The following JAKMIP1 variants were observed in gnomAD, a reference collection of about 807,000 sequenced individuals.
The protein encoded by JAKMIP1 is janus kinase and microtubule interacting protein 1.
In JAKMIP1, 33 loss-of-function variants were observed where a neutral mutation model predicts 113.0. The ratio of observed to expected loss-of-function variants is 0.29; its 90% CI spans 0.22 to 0.39. JAKMIP1 has a LOEUF of 0.39. Among genes scored for constraint, JAKMIP1 ranks in the 10% least tolerant of loss-of-function variants. The pLI, the probability that JAKMIP1 is intolerant of heterozygous loss-of-function variation, is 1.00. For missense variants in JAKMIP1, 813 were observed against 1,080.5 expected, an observed-to-expected ratio of 0.75 and a Z score of 3.47; for synonymous variants, 480 against 459.9, an observed-to-expected ratio of 1.04 and a Z score of -0.56.
chr4:6,039,523 C>G (rs1310135524), intron 18 of JAKMIP1, among the ~76,000 whole-genome samples: 6 of 152,138 alleles, frequency 3.9e-5, no homozygotes, highest in African/African-American at 1.4e-4. Flanking sequence ...ATGGCCCAGC[C>G]TGCAGGGTGT....
chr4:6,106,089 C>CA lies in JAKMIP1; in HGVS notation c.130-123_130-122insT. 1.5e-6 allele frequency: 1 copy of CA among 655,000 alleles called. No homozygotes were observed. The highest frequency in any genetic ancestry group is 2.6e-6 in the Non-Finnish European group (1 of 386,846). 40.6% of individuals were successfully genotyped at this position (655,000 alleles called of 1,614,324 possible). On this transcript the variant is annotated intron_variant, in intron 2 of 20. Coordinates refer to ENST00000409021, the MANE Select transcript of JAKMIP1 (RefSeq NM_001099433.2). The surrounding 1 kb of genome is among the most constrained non-coding windows in gnomAD (Gnocchi z 5.9). ...CGCCCAAGACACCCACCTGGGCCCA[C>CA]GTTCCCATGGATTCCCCCTTCGGCA... is the stretch of plus-strand genomic sequence containing the variant.
At position 6,129,635 on chromosome 4, in the gene JAKMIP1, C is replaced by T. The variant is rs1718228480; in HGVS notation, c.-147-16638G>A. ...CCTGCTGAAAGTTCCTTTGTCCAGA[C>T]CCCCACTCAGCTGCCGTTCTCAATA... On this transcript the variant is annotated intron_variant, in intron 1 of 20. Transcript: ENST00000409021. This position sits in a 1 kb window ranked among gnomAD's most constrained non-coding sequence, Gnocchi z 5.4. Among the ~76,000 whole-genome samples the T allele has an allele frequency of 6.6e-6, 1 of 152,114 alleles. No homozygotes were observed. The highest frequency in any genetic ancestry group is 2.1e-4 in the South Asian group (1 of 4,820).
At chr4:6,027,306 A>G (rs764043715) in intron 20 of JAKMIP1, among the ~76,000 whole-genome samples, 2 of 152,224 alleles carry the variant, frequency 1.3e-5, no homozygotes, top group Non-Finnish European at 2.9e-5. Flanking sequence ...GAAAAGTCCA[A>G]ACTAACAGCC....
At chr4:6,115,341 C>T (rs931311602) in intron 1 of JAKMIP1, among the ~76,000 whole-genome samples, 1 of 152,164 alleles carries the variant, frequency 6.6e-6, no homozygotes, top group African/African-American at 2.4e-5. Context: ...ACCTGGGAGG[C>T]GGAAGTTGCA....
Position 6,059,543 on chromosome 4 carries a change from C to T in JAKMIP1, c.1644+881G>A, listed in dbSNP as rs540798015. Among the ~76,000 whole-genome samples the T allele has an allele frequency of 1.2e-4, 18 of 152,182 alleles. No individual in the cohort carries two copies. In the South Asian group the frequency reaches 1.2e-3, roughly 11 times the overall value. ...CAGGGGTGGGGGCCACCAGACACTC[C>T]GTCTGCCCACACCCTCCTTGGCACC... On this transcript the variant is annotated intron_variant, in intron 11 of 20. Transcript: ENST00000409021. This position sits in a 1 kb window ranked among gnomAD's most constrained non-coding sequence, Gnocchi z 4.8.
chr4:6,165,254 C>A (rs775525047), intron 1 of JAKMIP1, among the ~76,000 whole-genome samples: 35 of 152,238 alleles, frequency 2.3e-4, no homozygotes, highest in Non-Finnish European at 3.1e-4. Flanking sequence ...AGATAGTCAT[C>A]AGCATTATTT....
rs1726256849 is a variant in JAKMIP1 at position 6,183,324 on chromosome 4, C to A, written c.-148+16929G>T. ...TGAAACTCCGTCTGTACTAAAAATA[C>A]AAAAATTAGCCGGGCTTGGTGGCGG... On this transcript the variant is annotated intron_variant, in intron 1 of 20. Coordinates refer to ENST00000409021, the MANE Select transcript of JAKMIP1 (RefSeq NM_001099433.2). This position sits in a 1 kb window ranked among gnomAD's most constrained non-coding sequence, Gnocchi z 5.3. Among the ~76,000 whole-genome samples the A allele has an allele frequency of 6.6e-6, 1 of 151,632 alleles. No individual in the cohort carries two copies. The highest frequency in any genetic ancestry group is 2.4e-5 in the African/African-American group (1 of 41,250).
intron 1 of JAKMIP1, among the ~76,000 whole-genome samples, chr4:6,130,899 C>T (rs57834495): frequency 0.013 from 1,999 of 151,954 alleles, 53 homozygotes; most frequent in African/African-American, 0.046. Context: ...GACAGTCAGG[C>T]GCGATGGTTC....
Position 6,150,443 on chromosome 4 carries a change from C to T in JAKMIP1, c.-147-37446G>A, listed in dbSNP as rs1257401431. The T allele has an allele frequency of 6.6e-6, 1 of 152,254 alleles. No homozygotes were observed. The highest frequency in any genetic ancestry group is 1.5e-5 in the Non-Finnish European group (1 of 68,112). The allele number at this position is 152,254 out of a possible 1,614,324, so 9.4% of individuals were successfully genotyped here. On this transcript the variant is annotated intron_variant, in intron 1 of 20. Transcript: ENST00000409021. This position sits in a 1 kb window ranked among gnomAD's most constrained non-coding sequence, Gnocchi z 4.8. ...TCAAGGACAGTGTCCACGGTTCATC[C>T]ACCTCTACGTCCCCAGGGCCCTGTC...
At position 6,162,363 on chromosome 4, in the gene JAKMIP1, A is replaced by ACT. The variant is rs1477937297; in HGVS notation, c.-148+37888_-148+37889dup. 1.3e-5 allele frequency among the ~76,000 whole-genome samples: 2 copies of ACT among 151,932 alleles called. No individual in the cohort carries two copies. The highest frequency in any genetic ancestry group is 4.8e-5 in the African/African-American group (2 of 41,358). ...AGCTAAGGCAGCCAGAGCCTGGGAA[A>ACT]CTCTCGGCACCCATTTTAGCCCAAC... On this transcript the variant is annotated intron_variant, in intron 1 of 20. Coordinates refer to ENST00000409021, the MANE Select transcript of JAKMIP1 (RefSeq NM_001099433.2). This position sits in a 1 kb window ranked among gnomAD's most constrained non-coding sequence, Gnocchi z 5.6.
In JAKMIP1 at chr4:6,175,766, C is replaced by A. The variant is rs548061804; in HGVS notation, c.-148+24487G>T. Among the ~76,000 whole-genome samples the A allele has an allele frequency of 6.4e-4, 98 of 152,314 alleles. No individual in the cohort carries two copies. The South Asian group carries it at 0.02, about 31-fold the overall frequency. On this transcript the variant is annotated intron_variant, in intron 1 of 20. Coordinates refer to ENST00000409021, the MANE Select transcript of JAKMIP1 (RefSeq NM_001099433.2). ...CTCGGCACCTGGAAAAGACAGGATT[C>A]AAAACTCAGACATTGTTTTCCAATT...
At chr4:6,109,997 C>A (rs533534497) in intron 2 of JAKMIP1, among the ~76,000 whole-genome samples, 1 of 152,160 alleles carries the variant, frequency 6.6e-6, no homozygotes, top group Admixed American at 6.5e-5. Context: ...AATTGCCACA[C>A]GTCCCAGAGG....
intron 19 of JAKMIP1, among the ~76,000 whole-genome samples, chr4:6,033,529 AT>A (rs1713012809): frequency 6.6e-6 from 1 of 152,226 alleles, no homozygotes; most frequent in Admixed American, 6.5e-5. Flanking sequence ...TAAATTCTCC[AT>A]TGACCGCAAC....
chr4:6,127,269 G>A (rs796526674), intron 1 of JAKMIP1, among the ~76,000 whole-genome samples: 31 of 152,300 alleles, frequency 2.0e-4, no homozygotes, highest in African/African-American at 7.2e-4. Flanking sequence ...GGGCAGCCAG[G>A]GCATAGGCTG....
chr4:6,076,980 G>A lies in JAKMIP1; in HGVS notation c.1302+1959C>T, dbSNP rs1442199430. On this transcript the variant is annotated intron_variant, in intron 8 of 20. Transcript: ENST00000409021. The surrounding 1 kb of genome is among the most constrained non-coding windows in gnomAD (Gnocchi z 4.8). ...CAGATTTTGGAGCATTTTGGATTTCGGATTTTTGGATTTTGGATTACGGAT... is the reference window on the plus strand; with the variant it reads ...CAGATTTTGGAGCATTTTGGATTTCAGATTTTTGGATTTTGGATTACGGAT... Among the ~76,000 whole-genome samples the A allele has an allele frequency of 2.0e-5, 3 of 152,076 alleles. No homozygotes were observed. Among genetic ancestry groups the A allele is most frequent in the African/African-American group, 4.8e-5 (2 of 41,396 alleles).
At chr4:6,164,402 T>C (rs2109008390) in intron 1 of JAKMIP1, among the ~76,000 whole-genome samples, 1 of 152,326 alleles carries the variant, frequency 6.6e-6, no homozygotes, top group East Asian at 1.9e-4. Flanking sequence ...AGATTACTTT[T>C]ACAATGTTAT....
chr4:6,075,163 C>T (rs1337069959), intron 8 of JAKMIP1, among the ~76,000 whole-genome samples: 4 of 141,050 alleles, frequency 2.8e-5, no homozygotes, highest in Non-Finnish European at 6.5e-5. Flanking sequence ...AGTGAGACTC[C>T]ATCTCAAAAC....
In JAKMIP1 at chr4:6,044,034, C is replaced by T. The variant is rs1447201441; in HGVS notation, c.2029-1807G>A. 2.0e-5 allele frequency among the ~76,000 whole-genome samples: 3 copies of T among 152,084 alleles called. No individual in the cohort carries two copies. ...TCCTGGCCCCAGCCTCAGCCCCAGG[C>T]CTTTAACAAGCTAGCATCACTCAGT... On this transcript the variant is annotated intron_variant, in intron 16 of 20. Transcript: ENST00000409021. The surrounding 1 kb of genome is among the most constrained non-coding windows in gnomAD (Gnocchi z 4.4).
intron 19 of JAKMIP1, among the ~76,000 whole-genome samples, chr4:6,034,334 A>G (rs1055265611): frequency 6.6e-6 from 1 of 152,124 alleles, no homozygotes; most frequent in African/African-American, 2.4e-5. Context: ...TGGGGGATCC[A>G]GAGTTCAGAG....
Sources: allele counts gnomAD v4.1 joint callset (sites outside exome capture counted in the v4.1 genomes callset), GRCh38; gene constraint gnomAD v4.1.1; non-coding constraint Gnocchi (gnomAD v3.1); transcripts MANE v1.5; gene names NCBI Gene and HGNC (gene_info 2026-07-23, HGNC 2026-07-21).